The following NUDT6 variants were observed in gnomAD, a reference collection of about 807,000 sequenced individuals.
The protein encoded by NUDT6 is nudix hydrolase 6, also known as FAD diphosphatase NUDT6.
A neutral mutation model predicts 36.8 loss-of-function variants in NUDT6; 24 were observed. The observed-to-expected ratio is 0.65, with a 90% CI of 0.47 to 0.92. The LOEUF is 0.92. Ranked by LOEUF, NUDT6 falls within the 40% of genes least tolerant of loss-of-function variation. The pLI is 0.00. For missense variants in NUDT6, 388 were observed against 392.8 expected (o/e 0.99, Z 0.10); for synonymous variants, 163 against 157.0 (o/e 1.04, Z -0.29).
chr4:122,907,602 C>G (rs1412558254), intron 3 of NUDT6, among the ~76,000 whole-genome samples: 4 of 151,932 alleles, frequency 2.6e-5, no homozygotes, highest in South Asian at 4.1e-4. Flanking sequence ...AGGCGCCCAC[C>G]ACCACGCCCG....
intron 3 of NUDT6, among the ~76,000 whole-genome samples, chr4:122,907,984 T>G (rs1266664657): frequency 6.6e-6 from 1 of 152,166 alleles, no homozygotes; most frequent in Non-Finnish European, 1.5e-5. Flanking sequence ...TTTGGGAATA[T>G]CTCTCCAATT....
At chr4:122,898,435 TAAAAG>T (rs1335765249) in intron 3 of NUDT6, among the ~76,000 whole-genome samples, 1 of 151,956 alleles carries the variant, frequency 6.6e-6, no homozygotes, top group Non-Finnish European at 1.5e-5. Flanking sequence ...CATCACGTGA[TAAAAG>T]AAAAGAATGA....
intron 2 of NUDT6, among the ~76,000 whole-genome samples, chr4:122,914,283 A>T (rs754765595): frequency 6.6e-6 from 1 of 152,204 alleles, no homozygotes; most frequent in Non-Finnish European, 1.5e-5. Context: ...TCACCAAGTG[A>T]GATATAATTA....
chr4:122,905,483 A>G (rs1271370233), intron 3 of NUDT6, among the ~76,000 whole-genome samples: 3 of 152,176 alleles, frequency 2.0e-5, no homozygotes, highest in Admixed American at 6.5e-5. Flanking sequence ...GATCATTCAT[A>G]TGTATGTCTG....
At chr4:122,900,498 C>T in intron 3 of NUDT6, among the ~76,000 whole-genome samples, 1 of 151,626 alleles carries the variant, frequency 6.6e-6, no homozygotes, top group Middle Eastern at 3.2e-3. Flanking sequence ...TTAAACTTCA[C>T]AATACTCCCA....
At chr4:122,922,197 G>A in intron 1 of NUDT6, 138 bp downstream of exon 1, 1 of 663,826 alleles carries the variant, frequency 1.5e-6, no homozygotes, top group Middle Eastern at 2.6e-4. Flanking sequence ...CCAGAAAACA[G>A]GTCCAGGTCA....
At chr4:122,902,168 T>C (rs1727536273) in intron 3 of NUDT6, among the ~76,000 whole-genome samples, 1 of 152,216 alleles carries the variant, frequency 6.6e-6, no homozygotes, top group Non-Finnish European at 1.5e-5. Flanking sequence ...GAGTGTCTCA[T>C]AAGTTTGTTC....
intron 3 of NUDT6, among the ~76,000 whole-genome samples, chr4:122,902,238 T>C (rs1373810577): frequency 1.3e-5 from 2 of 150,926 alleles, no homozygotes; most frequent in African/African-American, 4.8e-5. Flanking sequence ...TTAATGTATA[T>C]GGCAAGCATA....
chr4:122,912,548 A>G lies in NUDT6; in HGVS notation c.498+20T>C. 6.4e-7 allele frequency: 1 copy of G among 1,551,968 alleles called. No homozygotes were observed. The highest frequency in any genetic ancestry group is 1.4e-5 in the African/African-American group (1 of 73,670). ...GAAATAAACATTTAGGAAGCAATTTATAAAACAGAAGCAGCTTACTTTATT... is the reference window on the plus strand; with the variant it reads ...GAAATAAACATTTAGGAAGCAATTTGTAAAACAGAAGCAGCTTACTTTATT... On this transcript the variant is annotated intron_variant, in intron 3 of 4. Coordinates refer to ENST00000304430, the MANE Select transcript of NUDT6 (RefSeq NM_007083.5).
At chr4:122,914,741 A>C (rs1159831621) in intron 2 of NUDT6, among the ~76,000 whole-genome samples, 2 of 152,110 alleles carry the variant, frequency 1.3e-5, no homozygotes, top group African/African-American at 4.8e-5. Context: ...CAGAAGACTC[A>C]CATTTCCATC....
At chr4:122,915,479 A>AG (rs1444430159) in intron 2 of NUDT6, among the ~76,000 whole-genome samples, 1 of 80,602 alleles carries the variant, frequency 1.2e-5, no homozygotes, top group Admixed American at 1.4e-4. Flanking sequence ...CAAAAAAAAA[A>AG]AAAAAAAAAA....
chr4:122,917,325 ACAGGTGCC>A (rs1311121957), intron 2 of NUDT6, among the ~76,000 whole-genome samples, 168 bp downstream of exon 2: 1 of 152,238 alleles, frequency 6.6e-6, no homozygotes, highest in Non-Finnish European at 1.5e-5. Context: ...ATCTGCGGTT[ACAGGTGCC>A]CACTGGGGGT....
At chr4:122,895,919 G>T (rs111822781) in intron 4 of NUDT6, 42 of 152,426 alleles carry the variant, frequency 2.8e-4, no homozygotes, top group African/African-American at 9.7e-4. Flanking sequence ...ATTCTTAGAT[G>T]ATTCAGCTTC....
Position 122,922,384 on chromosome 4 carries a change from G to A in NUDT6, c.189C>T (p.Leu63=). The A allele has an allele frequency of 6.2e-7, 1 of 1,607,896 alleles. No individual in the cohort carries two copies. Among genetic ancestry groups the A allele is most frequent in the South Asian group, 1.1e-5 (1 of 90,880 alleles). The change falls in exon 1 of 5, where the codon CTC becomes CTT. Residue 63 remains leucine (L), a synonymous_variant. Transcript: ENST00000304430. ...FGGISVRLAR[L]DALDRLDAAA... is the part of the protein sequence containing the mutation. ...CAGCGTCCAGGCGGTCCAGCGCATC[G>A]AGCCGCGCCAGGCGCACCGAGATGC...
In NUDT6 at chr4:122,903,765, T is replaced by C. The variant is rs997305704; in HGVS notation, c.499-6087A>G. On this transcript the variant is annotated intron_variant, in intron 3 of 4. Coordinates refer to ENST00000304430, the MANE Select transcript of NUDT6 (RefSeq NM_007083.5). ...CCTGTGAGTATCACTGCTTCAAGGC[T>C]GCTTCACTCTAGCAGCAGCATTTCC... Among the ~76,000 whole-genome samples, 9 of 152,330 alleles carry C rather than the reference T, an allele frequency of 5.9e-5. No individual in the cohort carries two copies. The Middle Eastern group carries it at 0.01, about 173-fold the overall frequency.
intron 3 of NUDT6, among the ~76,000 whole-genome samples, chr4:122,903,698 GGGACTA>G (rs1427086760): frequency 7.2e-5 from 11 of 152,192 alleles, no homozygotes; most frequent in African/African-American, 1.9e-4. Flanking sequence ...GGAGGAGGAA[GGGACTA>G]GCTCCTTAAT....
Position 122,917,473 on chromosome 4 carries a change from T to C in NUDT6, c.442+28A>G, listed in dbSNP as rs183156578. On this transcript the variant is annotated intron_variant, in intron 2 of 4. Coordinates refer to ENST00000304430, the MANE Select transcript of NUDT6 (RefSeq NM_007083.5). ...ATTGGGTGAACGTCTAAAAAGTTAA[T>C]TCTGCTCATCATGAGTTTGAAACTG... is the stretch of plus-strand genomic sequence containing the variant. 3.5e-3 allele frequency: 5,565 copies of C among 1,595,008 alleles called. 56 individuals are homozygous for C. Among genetic ancestry groups the C allele is most frequent in the Non-Finnish European group, 2.5e-3 (2,885 of 1,162,804 alleles).
Position 122,922,350 on chromosome 4 carries a change from G to C in NUDT6, c.223C>G (p.Gln75Glu). Residue 75 changes from glutamine to glutamate, a missense_variant, in exon 1 of 5, where the codon CAG (glutamine) becomes GAG (glutamate). Transcript: ENST00000304430. ...GCGCACTTGCCCTGCAAGCCCTTCT[G>C]GAAGGCGGCAGCGTCCAGGCGGTCC... ...ALDRLDAAAF[Q>E]KGLQAAVQQW... 1 of 1,601,798 alleles carries C rather than the reference G, an allele frequency of 6.2e-7. No homozygotes were observed. Among genetic ancestry groups the C allele is most frequent in the Non-Finnish European group, 8.5e-7 (1 of 1,178,730 alleles).
At chr4:122,919,136 T>C (rs1727913272) in intron 1 of NUDT6, 1 of 152,264 alleles carries the variant, frequency 6.6e-6, no homozygotes, top group African/African-American at 2.4e-5. Context: ...AACACTAAAC[T>C]TTCTGTTCTC....
Sources: allele counts gnomAD v4.1 joint callset (sites outside exome capture counted in the v4.1 genomes callset), GRCh38; gene constraint gnomAD v4.1.1; transcripts MANE v1.5; gene names NCBI Gene and HGNC (gene_info 2026-07-23, HGNC 2026-07-21).